Variants in KIAA1328 observed in about 807,000 individuals in gnomAD.
KIAA1328 encodes the protein protein hinderin.
A neutral mutation model predicts 68.1 loss-of-function variants in KIAA1328; 52 were observed. The ratio of observed to expected loss-of-function variants is 0.76; its 90% CI spans 0.61 to 0.96. KIAA1328 has a LOEUF of 0.96. Ranked by LOEUF, KIAA1328 falls within the 40% of genes least tolerant of loss-of-function variation. KIAA1328 has a pLI of 0.00. For missense variants in KIAA1328, 641 were observed against 677.6 expected (o/e 0.95, Z 0.60); for synonymous variants, 232 against 239.4 (o/e 0.97, Z 0.28).
At chr18:37,035,590 C>T (rs546197462) in intron 6 of KIAA1328, among the ~76,000 whole-genome samples, 46 of 152,252 alleles carry the variant, frequency 3.0e-4, no homozygotes, top group African/African-American at 1.1e-3. Flanking sequence ...GCTTAAATAA[C>T]ACAGCATTAG....
chr18:37,129,368 AGTGT>A (rs1168961258), intron 7 of KIAA1328, among the ~76,000 whole-genome samples: 2 of 152,248 alleles, frequency 1.3e-5, no homozygotes, highest in African/African-American at 2.4e-5. Flanking sequence ...CATAAATTAC[AGTGT>A]GTCCATTTTA....
rs187156437 is a variant in KIAA1328 at position 36,860,696 on chromosome 18, A to G, written c.332+16394A>G. Among the ~76,000 whole-genome samples the G allele has an allele frequency of 9.1e-4, 138 of 152,292 alleles. 1 individual carries two copies. Among genetic ancestry groups the G allele is most frequent in the African/African-American group, 2.9e-3 (120 of 41,580 alleles). On this transcript the variant is annotated intron_variant, in intron 4 of 9. Transcript: ENST00000280020. ...CAGCATAATGTCACTGCTCTTTGTA[A>G]TATTTTAAAATAATTTTAAGCTTAC...
intron 8 of KIAA1328, among the ~76,000 whole-genome samples, chr18:37,162,232 T>A (rs1319095572): frequency 6.6e-6 from 1 of 151,916 alleles, no homozygotes; most frequent in African/African-American, 2.4e-5. Flanking sequence ...TCCATTAGGT[T>A]TTTTTTCCCC....
At chr18:36,964,133 A>G (rs953134786) in intron 6 of KIAA1328, among the ~76,000 whole-genome samples, 4 of 152,210 alleles carry the variant, frequency 2.6e-5, no homozygotes, top group African/African-American at 9.6e-5. Flanking sequence ...GAAAGACAAG[A>G]AAAATTTGAG....
At chr18:36,949,598 C>A (rs1598796036) in intron 5 of KIAA1328, among the ~76,000 whole-genome samples, 1 of 2,806 alleles carries the variant, frequency 3.6e-4, no homozygotes, top group Admixed American at 4.1e-3. Flanking sequence ...CTACCCAGCT[C>A]CCCCCCCCCC....
chr18:37,012,201 C>T (rs1299589153), intron 6 of KIAA1328, among the ~76,000 whole-genome samples: 1 of 152,138 alleles, frequency 6.6e-6, no homozygotes, highest in African/African-American at 2.4e-5. Flanking sequence ...AACACTGGAG[C>T]TGTGTTGGAA....
At position 37,193,757 on chromosome 18, in the gene KIAA1328, AAAATTTTTGCCTTATTT is replaced by A. The variant is rs1411965582; in HGVS notation, c.1523+20677_1523+20693del. 16 of 613,560 alleles carry A rather than the reference AAAATTTTTGCCTTATTT, an allele frequency of 2.6e-5. No individual in the cohort carries two copies. The Admixed American group carries it at 4.6e-4, about 18-fold the overall frequency. The allele number at this position is 613,560 out of a possible 1,614,324, so 38.0% of individuals were successfully genotyped here. Reference sequence around the variant, plus strand: ...AGAAACAGAAAACTGAATTGTTTTGAAAATTTTTGCCTTATTTTAAAAGAACAAATTCATAGGGTATA... The same window carrying A: ...AGAAACAGAAAACTGAATTGTTTTGATAAAAGAACAAATTCATAGGGTATA... On this transcript the variant is annotated intron_variant, in intron 9 of 9. Transcript: ENST00000280020.
At chr18:37,023,991 A>G (rs983706677) in intron 6 of KIAA1328, among the ~76,000 whole-genome samples, 4 of 151,974 alleles carry the variant, frequency 2.6e-5, no homozygotes, top group African/African-American at 9.7e-5. Flanking sequence ...CCTTCTTTCT[A>G]TTATTCCCTT....
intron 4 of KIAA1328, among the ~76,000 whole-genome samples, chr18:36,878,334 G>T (rs917718354): frequency 1.3e-5 from 2 of 152,132 alleles, no homozygotes; most frequent in Non-Finnish European, 2.9e-5. Context: ...TTTTAAGAGT[G>T]TTGAATATTG....
At chr18:37,078,314 A>G (rs1483880625) in intron 7 of KIAA1328, among the ~76,000 whole-genome samples, 2 of 152,174 alleles carry the variant, frequency 1.3e-5, no homozygotes, top group African/African-American at 4.8e-5. Flanking sequence ...CTTACACCTT[A>G]TACAAAAATT....
chr18:36,834,016 C>A (rs747954671), intron 1 of KIAA1328, among the ~76,000 whole-genome samples: 3 of 152,132 alleles, frequency 2.0e-5, no homozygotes, highest in Non-Finnish European at 4.4e-5. Context: ...TGCAGGGTAA[C>A]CCACTTGAGA....
Position 37,067,370 on chromosome 18 carries a change from C to A in KIAA1328, c.1057C>A (p.Gln353Lys). ...TCTGGTGCATGGTGGTGGGGCACTG[C>A]AACCCATTGAAACTTTGAAAAAGCA... ...ASLVHGGGAL[Q>K]PIETLKKQIS... Residue 353 changes from glutamine (Q) to lysine (K), a missense_variant, in exon 7 of 10, where the codon CAA becomes AAA. Transcript: ENST00000280020. The A allele has an allele frequency of 6.2e-7, 1 of 1,613,728 alleles. No individual in the cohort carries two copies. Among genetic ancestry groups the A allele is most frequent in the South Asian group, 1.1e-5 (1 of 91,056 alleles).
At chr18:36,944,535 C>T (rs555375698) in intron 5 of KIAA1328, among the ~76,000 whole-genome samples, 18 of 151,680 alleles carry the variant, frequency 1.2e-4, no homozygotes, top group South Asian at 1.0e-3. Flanking sequence ...GCTGGGATCA[C>T]GCCACTGCAT....
intron 9 of KIAA1328, among the ~76,000 whole-genome samples, chr18:37,192,320 A>G (rs912211525): frequency 1.6e-4 from 24 of 152,148 alleles, no homozygotes; most frequent in Non-Finnish European, 2.8e-4. Flanking sequence ...AAATTGTAAA[A>G]TAGAACACTA....
intron 6 of KIAA1328, among the ~76,000 whole-genome samples, chr18:37,062,187 T>C (rs563860679): frequency 1.4e-4 from 22 of 152,244 alleles, no homozygotes; most frequent in Non-Finnish European, 2.8e-4. Flanking sequence ...AACTCAACTT[T>C]AGCAAAATAA....
chr18:37,063,965 T>TAG (rs2056249812), intron 6 of KIAA1328, among the ~76,000 whole-genome samples: 1 of 152,160 alleles, frequency 6.6e-6, no homozygotes, highest in Non-Finnish European at 1.5e-5. Flanking sequence ...TTTCTGACCT[T>TAG]TTAGTAAAAG....
Position 37,080,007 on chromosome 18 carries a change from G to A in KIAA1328, c.1232+12462G>A, listed in dbSNP as rs2056895866. ...TATATTTTATTATTTTTATTCAAAC[G>A]TTAGATTTTTGTGGATTGAACAAAA... On this transcript the variant is annotated intron_variant, in intron 7 of 9. Transcript: ENST00000280020. Among the ~76,000 whole-genome samples the A allele has an allele frequency of 2.6e-5, 4 of 151,684 alleles. No homozygotes were observed. The East Asian group carries it at 7.7e-4, about 29-fold the overall frequency.
At chr18:37,154,789 A>G (rs956420080) in intron 7 of KIAA1328, among the ~76,000 whole-genome samples, 1 of 152,106 alleles carries the variant, frequency 6.6e-6, no homozygotes, top group African/African-American at 2.4e-5. Context: ...GGGTTTTTAT[A>G]TTTCTGGTGT....
At chr18:36,880,110 T>A (rs959618945) in intron 4 of KIAA1328, among the ~76,000 whole-genome samples, 3 of 152,134 alleles carry the variant, frequency 2.0e-5, no homozygotes, top group African/African-American at 7.2e-5. Context: ...TGGTGTCTGC[T>A]CAGATGGCCA....
Sources: allele counts gnomAD v4.1 joint callset (sites outside exome capture counted in the v4.1 genomes callset), GRCh38; gene constraint gnomAD v4.1.1; transcripts MANE v1.5; gene names NCBI Gene and HGNC (gene_info 2026-07-23, HGNC 2026-07-21).